The following GPBP1L1 variants were observed in gnomAD, a reference collection of about 807,000 sequenced individuals.
GPBP1L1 encodes the protein GC-rich promoter binding protein 1 like 1, also known as vasculin-like protein 1.
Under a neutral mutation model 52.5 loss-of-function variants are expected in GPBP1L1, and 23 were observed. The ratio of observed to expected loss-of-function variants is 0.44; its 90% CI spans 0.32 to 0.62. The LOEUF (loss-of-function observed/expected upper bound fraction) is 0.62. Among genes scored for constraint, GPBP1L1 ranks in the 20% least tolerant of loss-of-function variants. GPBP1L1 has a pLI of 0.06. For missense variants in GPBP1L1, 596 were observed against 579.3 expected (o/e 1.03, Z -0.30); for synonymous variants, 243 against 203.1 (o/e 1.20, Z -1.67).
intron 2 of GPBP1L1, among the ~76,000 whole-genome samples, chr1:45,676,554 C>CA (rs1352160684): frequency 2.6e-5 from 4 of 151,394 alleles, no homozygotes; most frequent in Non-Finnish European, 5.9e-5. Context: ...ACTAAAAATA[C>CA]AAAAAATTAG....
In GPBP1L1 at chr1:45,628,232, A is replaced by T; in HGVS notation, c.*24T>A. ...AAACACACAGAGTTTACTGGGTCAG[A>T]TTTAACTGTGAGCATTTATATGCCT... On this transcript the variant is annotated 3_prime_UTR_variant, in exon 13 of 13. Transcript: ENST00000355105. 6.2e-7 allele frequency: 1 copy of T among 1,611,512 alleles called. No individual in the cohort carries two copies. Among genetic ancestry groups the T allele is most frequent in the Non-Finnish European group, 8.5e-7 (1 of 1,178,248 alleles).
chr1:45,658,921 G>T, intron 4 of GPBP1L1, 107 bp downstream of exon 4: 1 of 776,990 alleles, frequency 1.3e-6, no homozygotes, highest in South Asian at 1.5e-5. Flanking sequence ...CATCCTGGGT[G>T]ACAGAGGGAG....
At chr1:45,629,471 C>CCCCCCA (rs374105264) in intron 12 of GPBP1L1, 105 bp downstream of exon 12, 60 of 144,316 alleles carry the variant, frequency 4.2e-4, no homozygotes, top group Non-Finnish European at 5.4e-4. Context: ...CCCCCCCACC[C>CCCCCCA]GATCTTTCTC....
intron 10 of GPBP1L1, among the ~76,000 whole-genome samples, chr1:45,631,053 T>C (rs1450526879): frequency 6.6e-6 from 1 of 151,434 alleles, no homozygotes; most frequent in Non-Finnish European, 1.5e-5. Flanking sequence ...GATAGTCTTT[T>C]CAACAAATGG....
rs1474285151 is a variant in GPBP1L1 at position 45,634,155 on chromosome 1, T to C, written c.826A>G (p.Ile276Val). ...AGTACCACTGGTTTGGTAACAGAGA[T>C]TGGACTGGTAAAAGCAGACTCCCGG... is the stretch of plus-strand genomic sequence containing the variant. The part of the protein sequence containing the change: ...SSRESAFTSP[I>V]SVTKPVVLAS... The change falls in exon 9 of 13, where the codon ATC becomes GTC. Residue 276 changes from isoleucine to valine, a missense_variant. Physicochemically the swap from Ile to Val is conservative, Grantham distance 29 (BLOSUM62 3). Coordinates refer to ENST00000355105, the MANE Select transcript of GPBP1L1 (RefSeq NM_021639.5). 1.9e-6 allele frequency: 3 copies of C among 1,613,942 alleles called. No homozygotes were observed. Among genetic ancestry groups the C allele is most frequent in the South Asian group, 2.2e-5 (2 of 91,062 alleles).
chr1:45,648,895 G>C (rs1268501178), intron 6 of GPBP1L1, among the ~76,000 whole-genome samples: 4 of 151,992 alleles, frequency 2.6e-5, no homozygotes. Context: ...GGGCGTAGGG[G>C]TGCGCATGCC....
intron 2 of GPBP1L1, among the ~76,000 whole-genome samples, chr1:45,663,599 T>C (rs1644973497): frequency 6.6e-6 from 1 of 152,178 alleles, no homozygotes; most frequent in Non-Finnish European, 1.5e-5. Flanking sequence ...GCAGAGTATG[T>C]GGTTGAGAGG....
rs964667309 is a variant in GPBP1L1, at chr1:45,654,781, C to A, written c.239G>T (p.Gly80Val). Residue 80 changes from glycine to valine, a missense_variant, in exon 6 of 13, where the codon GGT (glycine) becomes GTT (valine). Gly to Val is a moderately radical substitution (Grantham distance 109, BLOSUM62 -3). Coordinates refer to ENST00000355105, the MANE Select transcript of GPBP1L1 (RefSeq NM_021639.5). ...SLFRHDSVDS[G>V]VSKGAYAGIT... ...TCCAGCATATGCTCCCTTAGAGACA[C>A]CAGAGTCCACAGAATCATGGCGGAA... The A allele has an allele frequency of 6.2e-7, 1 of 1,614,098 alleles. No homozygotes were observed. The highest frequency in any genetic ancestry group is 8.5e-7 in the Non-Finnish European group (1 of 1,180,012).
chr1:45,633,373 C>A, intron 10 of GPBP1L1, 116 bp downstream of exon 10: 2 of 1,030,374 alleles, frequency 1.9e-6, no homozygotes, highest in Non-Finnish European at 1.5e-6. Flanking sequence ...CACCTACAGA[C>A]AGTATCTCTG....
chr1:45,658,734 A>C (rs1644912296), intron 4 of GPBP1L1: 1 of 361,674 alleles, frequency 2.8e-6, no homozygotes, highest in Non-Finnish European at 5.0e-6. Flanking sequence ...GTTGAAAACC[A>C]GCCTGGGCAA....
intron 10 of GPBP1L1, among the ~76,000 whole-genome samples, chr1:45,631,452 G>A (rs376075095): frequency 1.3e-5 from 2 of 152,112 alleles, no homozygotes; most frequent in African/African-American, 2.4e-5. Flanking sequence ...TAGTAGGAAC[G>A]GGGTTTCGCC....
chr1:45,665,923 C>T (rs1645005291), intron 2 of GPBP1L1, among the ~76,000 whole-genome samples: 1 of 151,964 alleles, frequency 6.6e-6, no homozygotes, highest in Non-Finnish European at 1.5e-5. Context: ...CTGGTTGCCA[C>T]TCTCTGTTCC....
At chr1:45,629,454 T>TCTCCC in intron 12 of GPBP1L1, 122 bp downstream of exon 12, 3 of 115,396 alleles carry the variant, frequency 2.6e-5, no homozygotes, top group East Asian at 2.2e-4. Context: ...ACTAAGGTAA[T>TCTCCC]CCCCCCCCCC....
At chr1:45,682,991 G>T (rs1047086465) in intron 2 of GPBP1L1, among the ~76,000 whole-genome samples, 2 of 151,626 alleles carry the variant, frequency 1.3e-5, no homozygotes, top group East Asian at 3.9e-4. Flanking sequence ...CACTTAGGGG[G>T]TATGTTATTT....
intron 2 of GPBP1L1, among the ~76,000 whole-genome samples, chr1:45,662,094 G>A (rs1368677956): frequency 6.6e-6 from 1 of 152,184 alleles, no homozygotes; most frequent in African/African-American, 2.4e-5. Context: ...GGCACGGAGT[G>A]AAACAAAAAT....
intron 2 of GPBP1L1, among the ~76,000 whole-genome samples, chr1:45,683,151 T>TAACAGTCAAAA (rs963176388): frequency 2.1e-5 from 3 of 145,606 alleles, no homozygotes; most frequent in African/African-American, 7.6e-5. Flanking sequence ...GCAGTGACCA[T>TAACAGTCAAAA]AACAGTCAAG....
At chr1:45,656,345 G>C (rs2148474196) in intron 4 of GPBP1L1, among the ~76,000 whole-genome samples, 1 of 152,058 alleles carries the variant, frequency 6.6e-6, no homozygotes, top group African/African-American at 2.4e-5. Context: ...TGAAAATATG[G>C]GTATGTTTGA....
At chr1:45,640,178 T>G in intron 8 of GPBP1L1, 32 bp downstream of exon 8, 4 of 1,543,696 alleles carry the variant, frequency 2.6e-6, no homozygotes, top group Non-Finnish European at 3.6e-6. Context: ...ACCTCTCTTG[T>G]ATAAGGTTCT....
At chr1:45,685,033 T>C (rs1353915329) in intron 2 of GPBP1L1, among the ~76,000 whole-genome samples, 2 of 151,974 alleles carry the variant, frequency 1.3e-5, no homozygotes, top group Non-Finnish European at 2.9e-5. Flanking sequence ...TTCCAATCTA[T>C]GACTTTTTGT....
Sources: gnomAD v4.1 joint callset for allele counts (sites outside exome capture counted in the v4.1 genomes callset) on GRCh38, gnomAD v4.1.1 for gene constraint, MANE v1.5 for transcripts, NCBI Gene and HGNC (gene_info 2026-07-23, HGNC 2026-07-21) for gene names.